DNAH17: variants seen among roughly 807,000 people sequenced by gnomAD.
The protein encoded by DNAH17 is dynein axonemal heavy chain 17.
In DNAH17, 376 loss-of-function variants were observed where a neutral mutation model predicts 485.6. The observed-to-expected ratio is 0.77, with a 90% CI of 0.71 to 0.84. The LOEUF (loss-of-function observed/expected upper bound fraction) is 0.84, where lower values mean the gene tolerates loss of function less well. DNAH17 is among the 40% of genes least tolerant of loss of function. The pLI, the probability that DNAH17 is intolerant of heterozygous loss-of-function variation, is 0.00. For synonymous variants in DNAH17, 3,031 were observed against 2,405.9 expected (o/e 1.26, Z -7.60); for missense variants, 6,370 against 5,839.3 (o/e 1.09, Z -2.96).
At chr17:78,458,843 C>T (rs1030286458) in intron 61 of DNAH17, 158 bp downstream of exon 61, 35 of 1,044,844 alleles carry the variant, frequency 3.3e-5, no homozygotes, top group African/African-American at 4.7e-5. Flanking sequence ...AAGCGGCTCC[C>T]GGCACCATCT....
chr17:78,451,172 G>A (rs2087533997), intron 66 of DNAH17, among the ~76,000 whole-genome samples: 1 of 152,256 alleles, frequency 6.6e-6, no homozygotes, highest in Non-Finnish European at 1.5e-5. Flanking sequence ...CATTCTTGCA[G>A]GGCAGCGCTT....
chr17:78,558,386 A>G, intron 13 of DNAH17, 132 bp from the exon 14 acceptor site: 1 of 1,152,992 alleles, frequency 8.7e-7, no homozygotes, highest in Non-Finnish European at 1.2e-6. Context: ...GGTGGGAGGC[A>G]GTATTTGTTG....
chr17:78,552,941 G>C, intron 14 of DNAH17, 136 bp from the exon 15 acceptor site: 1 of 660,722 alleles, frequency 1.5e-6, no homozygotes, highest in Non-Finnish European at 2.7e-6. Context: ...ATGTTGAATT[G>C]TAATCCCCAG....
At chr17:78,516,425 G>T (rs918629946) in intron 25 of DNAH17, among the ~76,000 whole-genome samples, 1 of 152,184 alleles carries the variant, frequency 6.6e-6, no homozygotes, top group Non-Finnish European at 1.5e-5. Context: ...GGCGGCTCAC[G>T]CCTGCAATCC....
At position 78,502,964 on chromosome 17, in the gene DNAH17, G is replaced by A. The variant is rs1156748206; in HGVS notation, c.5004C>T (p.Leu1668=). ...NRVLDRMCST[L]RHEIPEAVVT... ...CCACGGCCTCTGGGATTTCGTGCCGGAGGGTAGAGCACATTCGGTCCAGCA... is the reference window on the plus strand; with the variant it reads ...CCACGGCCTCTGGGATTTCGTGCCGAAGGGTAGAGCACATTCGGTCCAGCA... Residue 1668 remains leucine, a synonymous_variant, in exon 32 of 81, where the codon CTC becomes CTT. Coordinates refer to ENST00000389840, the MANE Select transcript of DNAH17 (RefSeq NM_173628.4). 1 of 1,613,936 alleles carries A rather than the reference G, an allele frequency of 6.2e-7. No individual in the cohort carries two copies. The highest frequency in any genetic ancestry group is 1.7e-5 in the Admixed American group (1 of 60,014).
intron 16 of DNAH17, 29 bp from the exon 17 acceptor site, chr17:78,544,026 G>A (rs372382950): frequency 1.5e-5 from 25 of 1,613,538 alleles, no homozygotes; most frequent in East Asian, 6.7e-5. Context: ...AGTGAGAAAA[G>A]GTGTTCTGGA....
At chr17:78,444,520 A>G (rs2087198378) in intron 71 of DNAH17, 84 bp downstream of exon 71, 14 of 1,339,026 alleles carry the variant, frequency 1.0e-5, no homozygotes, top group African/African-American at 1.5e-5. Flanking sequence ...TCAAGTCCAC[A>G]GAGAGTCTAG....
rs374986588 is a variant in DNAH17, at chr17:78,532,668, G to A, written c.2928C>T (p.Ala976=). The part of the protein sequence containing the change: ...REEVSSLVIN[A]MKEAEEYQDS... ...CCTGGTACTCCTCGGCCTCCTTCAT[G>A]GCATTGATGACCAGGCTGGACACCT... Residue 976 remains alanine, a synonymous_variant, in exon 20 of 81, where the codon GCC becomes GCT. Coordinates refer to ENST00000389840, the MANE Select transcript of DNAH17 (RefSeq NM_173628.4). The A allele has an allele frequency of 6.3e-7, 1 of 1,594,666 alleles. No individual in the cohort carries two copies. The highest frequency in any genetic ancestry group is 8.5e-7 in the Non-Finnish European group (1 of 1,169,680).
intron 75 of DNAH17, 50 bp from the exon 76 acceptor site, chr17:78,429,350 C>A: frequency 6.3e-7 from 1 of 1,581,954 alleles, no homozygotes; most frequent in Non-Finnish European, 8.6e-7. Context: ...TGCCCCTTCT[C>A]TGCCATGAGA....
At chr17:78,572,998 C>T (rs2092382586) in intron 2 of DNAH17, 104 bp from the exon 3 acceptor site, 3 of 1,077,950 alleles carry the variant, frequency 2.8e-6, no homozygotes, top group Non-Finnish European at 3.9e-6. Flanking sequence ...GTGTCTGGAG[C>T]CCTGGGAAAA....
chr17:78,561,852 C>G lies in DNAH17; in HGVS notation c.1698G>C (p.Gln566His), dbSNP rs996544751. 2 of 1,613,988 alleles carry G rather than the reference C, an allele frequency of 1.2e-6. No individual in the cohort carries two copies. Among genetic ancestry groups the G allele is most frequent in the Non-Finnish European group, 1.7e-6 (2 of 1,179,884 alleles). ...LDNAKILYDA[Q>H]MAASEEGNIP... Reference sequence around the variant, plus strand: ...TGTTCCCCTCCTCGGAGGCCGCCATCTGGGCATCGTACAAGATCTTAGCAT... The same window carrying G: ...TGTTCCCCTCCTCGGAGGCCGCCATGTGGGCATCGTACAAGATCTTAGCAT... The change falls in exon 12 of 81, where the codon CAG (glutamine) becomes CAC (histidine). Residue 566 changes from glutamine to histidine, a missense_variant. Coordinates refer to ENST00000389840, the MANE Select transcript of DNAH17 (RefSeq NM_173628.4).
intron 48 of DNAH17, among the ~76,000 whole-genome samples, chr17:78,483,817 C>T (rs1196562424): frequency 1.3e-5 from 2 of 151,930 alleles, no homozygotes; most frequent in Non-Finnish European, 2.9e-5. Flanking sequence ...ACAACTATGG[C>T]TGGGCACGGT....
At chr17:78,484,825 G>A (rs373983637) in intron 48 of DNAH17, 43 bp downstream of exon 48, 12 of 1,201,078 alleles carry the variant, frequency 1.0e-5, no homozygotes, top group East Asian at 1.3e-4. Context: ...CGCCCTCACC[G>A]CCCCGGGGCC....
chr17:78,504,720 G>A (rs574603568), intron 31 of DNAH17, among the ~76,000 whole-genome samples: 5 of 152,250 alleles, frequency 3.3e-5, no homozygotes, highest in Non-Finnish European at 5.9e-5. Context: ...GCCCTGAGCC[G>A]GGGGACGCGC....
At chr17:78,475,617 G>C (rs1328876349) in intron 53 of DNAH17, 52 bp downstream of exon 53, 4 of 1,607,092 alleles carry the variant, frequency 2.5e-6, no homozygotes, top group Non-Finnish European at 3.4e-6. Flanking sequence ...CAACCGGAGA[G>C]GGTGACCCGG....
chr17:78,467,058 C>T (rs2088504839), intron 55 of DNAH17, among the ~76,000 whole-genome samples: 1 of 152,210 alleles, frequency 6.6e-6, no homozygotes, highest in African/African-American at 2.4e-5. Flanking sequence ...GGGCCCTTGC[C>T]TCTCTAAAAA....
chr17:78,468,569 G>C (rs573345629), intron 55 of DNAH17, 48 bp downstream of exon 55: 2 of 1,581,384 alleles, frequency 1.3e-6, no homozygotes, highest in South Asian at 1.2e-5. Flanking sequence ...TGTAGGCCAC[G>C]GGCACCAAGC....
chr17:78,481,140 T>A (rs1277203756), intron 48 of DNAH17, among the ~76,000 whole-genome samples: 2 of 137,664 alleles, frequency 1.5e-5, no homozygotes, highest in African/African-American at 5.6e-5. Flanking sequence ...TCTCACTCAG[T>A]CACTCAGGCC....
intron 74 of DNAH17, among the ~76,000 whole-genome samples, chr17:78,434,436 A>G (rs1471285576): frequency 6.6e-6 from 1 of 152,182 alleles, no homozygotes; most frequent in African/African-American, 2.4e-5. Context: ...TCCTTTCAGA[A>G]ATGCAATTTT....
Sources: allele counts gnomAD v4.1 joint callset (sites outside exome capture counted in the v4.1 genomes callset), GRCh38; gene constraint gnomAD v4.1.1; transcripts MANE v1.5; gene names NCBI Gene and HGNC (gene_info 2026-07-23, HGNC 2026-07-21).